PODXL2: variants seen among roughly 807,000 people sequenced by gnomAD.
The protein encoded by PODXL2 is podocalyxin like 2.
A neutral mutation model predicts 53.4 loss-of-function variants in PODXL2; 17 were observed. The ratio of observed to expected loss-of-function variants is 0.32; its 90% CI spans 0.22 to 0.48. The LOEUF (loss-of-function observed/expected upper bound fraction) is 0.48, where lower values mean the gene tolerates loss of function less well. Among genes scored for constraint, PODXL2 ranks in the 20% least tolerant of loss-of-function variants. PODXL2 has a pLI of 0.99. For missense variants in PODXL2, 673 were observed against 760.0 expected, an observed-to-expected ratio of 0.89 and a Z score of 1.35; for synonymous variants, 311 against 306.7, an observed-to-expected ratio of 1.01 and a Z score of -0.15.
chr3:127,639,905 C>CTGAATCATCA (rs1391847676), intron 2 of PODXL2, among the ~76,000 whole-genome samples: 1 of 152,238 alleles, frequency 6.6e-6, no homozygotes, highest in Non-Finnish European at 1.5e-5. Flanking sequence ...AGACCTATGG[C>CTGAATCATCA]TTTCCAAGCC....
chr3:127,637,490 G>C (rs989017803), intron 1 of PODXL2, among the ~76,000 whole-genome samples: 2 of 152,132 alleles, frequency 1.3e-5, no homozygotes, highest in African/African-American at 2.4e-5. Flanking sequence ...TTTCACACAT[G>C]GCTCACCAAT....
At chr3:127,664,923 TG>T (rs1257608067) in intron 4 of PODXL2, among the ~76,000 whole-genome samples, 1 of 152,188 alleles carries the variant, frequency 6.6e-6, no homozygotes, top group Non-Finnish European at 1.5e-5. Flanking sequence ...ATTCACCACT[TG>T]TTAGAATTTT....
chr3:127,665,837 G>A, intron 4 of PODXL2: 1 of 398,134 alleles, frequency 2.5e-6, no homozygotes, highest in Admixed American at 2.9e-5. Context: ...CTTACAAGAT[G>A]TTCCAGGCTG....
intron 2 of PODXL2, among the ~76,000 whole-genome samples, chr3:127,640,253 G>T (rs1012136468): frequency 1.3e-5 from 2 of 152,244 alleles, no homozygotes; most frequent in South Asian, 4.1e-4. Flanking sequence ...TGAGGAATTG[G>T]TGTGATTGTG....
chr3:127,648,272 A>G (rs943289927), intron 2 of PODXL2, among the ~76,000 whole-genome samples: 1 of 152,218 alleles, frequency 6.6e-6, no homozygotes, highest in Admixed American at 6.5e-5. Context: ...GAGAAAGCAG[A>G]CCGACCGAGC....
At position 127,637,835 on chromosome 3, in the gene PODXL2, A is replaced by G. The variant is rs141919187; in HGVS notation, c.71-1410A>G. Among the ~76,000 whole-genome samples the G allele has an allele frequency of 1.1e-4, 17 of 152,342 alleles. No homozygotes were observed. The South Asian group carries it at 2.1e-3, about 19-fold the overall frequency. Reference sequence around the variant, plus strand: ...TCCCTCATACGGAGACTCACAGGACAGTCTGAAATGCTCATTTTTTTCAGT... The same window carrying G: ...TCCCTCATACGGAGACTCACAGGACGGTCTGAAATGCTCATTTTTTTCAGT... On this transcript the variant is annotated intron_variant, in intron 1 of 7. Coordinates refer to ENST00000342480, the MANE Select transcript of PODXL2 (RefSeq NM_015720.4).
intron 1 of PODXL2, among the ~76,000 whole-genome samples, chr3:127,638,675 A>G (rs1198597956): frequency 1.3e-5 from 2 of 152,170 alleles, no homozygotes; most frequent in African/African-American, 2.4e-5. Context: ...AGATTGCACC[A>G]CTGTACTCCA....
At chr3:127,639,552 T>C in intron 2 of PODXL2, 29 bp downstream of exon 2, 1 of 1,576,344 alleles carries the variant, frequency 6.3e-7, no homozygotes, top group Non-Finnish European at 8.6e-7. Flanking sequence ...AGAGCATGTG[T>C]TGAGTGCCAG....
chr3:127,668,945 G>A (rs1576436275), intron 5 of PODXL2, among the ~76,000 whole-genome samples, 196 bp from the exon 6 acceptor site: 1 of 152,188 alleles, frequency 6.6e-6, no homozygotes, highest in Non-Finnish European at 1.5e-5. Context: ...TATACAAATC[G>A]ATGTTCTAAC....
chr3:127,658,847 C>T (rs1038191574), intron 2 of PODXL2, among the ~76,000 whole-genome samples: 3 of 151,900 alleles, frequency 2.0e-5, no homozygotes, highest in African/African-American at 2.4e-5. Flanking sequence ...CTTTGTTTCT[C>T]TCCATTATTC....
At position 127,629,235 on chromosome 3, in the gene PODXL2, C is replaced by T; in HGVS notation, c.16C>T (p.Arg6Trp). The change falls in exon 1 of 8, where the codon CGG (arginine) becomes TGG (tryptophan). Residue 6 changes from arginine (R) to tryptophan (W), a missense_variant. This residue lies in a region of PODXL2 where 588 missense variants were observed against 668.3 expected (regional missense o/e 0.88). Transcript: ENST00000342480. This position sits in a 1 kb window ranked among gnomAD's most constrained non-coding sequence, Gnocchi z 6.4. ...CGGCTACACCATGGGCCGGCTGCTGCGGGCCGCCCGGCTGCCGCCGCTGCT... is the reference window on the plus strand; with the variant it reads ...CGGCTACACCATGGGCCGGCTGCTGTGGGCCGCCCGGCTGCCGCCGCTGCT... MGRLL[R>W]AARLPPLLSP... 7 of 999,414 alleles carry T rather than the reference C, an allele frequency of 7.0e-6. No homozygotes were observed. Among genetic ancestry groups the T allele is most frequent in the Non-Finnish European group, 8.3e-6 (7 of 839,702 alleles). 61.9% of individuals were successfully genotyped at this position (999,414 alleles called of 1,614,324 possible).
intron 2 of PODXL2, among the ~76,000 whole-genome samples, chr3:127,654,597 G>A (rs957820022): frequency 6.6e-5 from 10 of 152,204 alleles, no homozygotes; most frequent in African/African-American, 2.4e-4. Flanking sequence ...GTCAACAGAT[G>A]AGTAATCCCC....
At chr3:127,647,595 C>G (rs1022447023) in intron 2 of PODXL2, among the ~76,000 whole-genome samples, 3 of 152,232 alleles carry the variant, frequency 2.0e-5, no homozygotes, top group African/African-American at 7.2e-5. Flanking sequence ...GAACAGGCTT[C>G]CAGCTCCAGC....
intron 2 of PODXL2, among the ~76,000 whole-genome samples, chr3:127,641,400 G>A (rs188147162): frequency 6.6e-6 from 1 of 150,954 alleles, no homozygotes; most frequent in African/African-American, 2.4e-5. Context: ...GTAGTGATGG[G>A]GTCTTGCTAT....
At chr3:127,647,681 C>T (rs186518925) in intron 2 of PODXL2, among the ~76,000 whole-genome samples, 2,018 of 152,318 alleles carry the variant, frequency 0.013, 19 homozygotes, top group Non-Finnish European at 0.018. Context: ...TTGCTGGCTT[C>T]GTTCTCAGGC....
In PODXL2 at chr3:127,629,719, G is replaced by A. The variant is rs2074530320; in HGVS notation, c.70+430G>A. 6.6e-6 allele frequency among the ~76,000 whole-genome samples: 1 copy of A among 152,184 alleles called. No individual in the cohort carries two copies. The highest frequency in any genetic ancestry group is 2.1e-4 in the South Asian group (1 of 4,828). On this transcript the variant is annotated intron_variant, in intron 1 of 7. Coordinates refer to ENST00000342480, the MANE Select transcript of PODXL2 (RefSeq NM_015720.4). The surrounding 1 kb of genome is among the most constrained non-coding windows in gnomAD (Gnocchi z 6.4). ...AGCCACGCGGGGAGGAGGCCGCATTGTGAAGGTCCCAGGGGCCGCCTGCGG... is the reference window on the plus strand; with the variant it reads ...AGCCACGCGGGGAGGAGGCCGCATTATGAAGGTCCCAGGGGCCGCCTGCGG...
intron 6 of PODXL2, 104 bp from the exon 7 acceptor site, chr3:127,671,330 C>T: frequency 9.6e-7 from 1 of 1,043,488 alleles, no homozygotes. Context: ...CCAGCACCTT[C>T]TAAGCCTGCT....
chr3:127,662,522 T>G (rs2074774245), intron 4 of PODXL2, among the ~76,000 whole-genome samples: 1 of 152,212 alleles, frequency 6.6e-6, no homozygotes. Flanking sequence ...CTTGCTTCCC[T>G]CTCTTTTTAA....
Position 127,650,542 on chromosome 3 carries a change from A to G in PODXL2, c.350-9836A>G, listed in dbSNP as rs564360628. Reference sequence around the variant, plus strand: ...AGAAACCCCTTTACATTTTGCATCAATTAGTCTCAAGTTAGTGAATCTTGT... The same window carrying G: ...AGAAACCCCTTTACATTTTGCATCAGTTAGTCTCAAGTTAGTGAATCTTGT... On this transcript the variant is annotated intron_variant, in intron 2 of 7. Coordinates refer to ENST00000342480, the MANE Select transcript of PODXL2 (RefSeq NM_015720.4). Among the ~76,000 whole-genome samples the G allele has an allele frequency of 1.2e-4, 19 of 152,304 alleles. 1 individual carries two copies. Among genetic ancestry groups the G allele is most frequent in the East Asian group, 9.7e-4 (5 of 5,176 alleles).
Sources: gnomAD v4.1 joint callset for allele counts (sites outside exome capture counted in the v4.1 genomes callset) on GRCh38, gnomAD v4.1.1 for gene constraint, gnomAD v4.1.1 regional missense constraint, Gnocchi (gnomAD v3.1) non-coding constraint, MANE v1.5 for transcripts, NCBI Gene and HGNC (gene_info 2026-07-23, HGNC 2026-07-21) for gene names.